The following KRTCAP2 variants were observed in gnomAD, a reference collection of about 807,000 sequenced individuals.
KRTCAP2 encodes keratinocyte associated protein 2, also known as dolichyl-diphosphooligosaccharide--protein glycosyltransferase subunit KCP2.
A neutral mutation model predicts 16.5 loss-of-function variants in KRTCAP2; 10 were observed. The observed-to-expected ratio is 0.60, with a 90% CI of 0.37 to 1.02. The LOEUF (loss-of-function observed/expected upper bound fraction) is 1.02, where lower values mean the gene tolerates loss of function less well. KRTCAP2 is among the 50% of genes least tolerant of loss of function. The pLI, the probability that KRTCAP2 is intolerant of heterozygous loss-of-function variation, is 0.01. For missense variants in KRTCAP2, 152 were observed against 159.6 expected (o/e 0.95, Z 0.26); for synonymous variants, 68 against 69.8 (o/e 0.97, Z 0.13).
At chr1:155,173,195 C>T in intron 1 of KRTCAP2, 26 bp downstream of exon 1, 1 of 1,605,862 alleles carries the variant, frequency 6.2e-7, no homozygotes, top group East Asian at 2.2e-5. Flanking sequence ...TCTAGGACTT[C>T]CTGGGGACCC....
At chr1:155,171,784 G>C (rs1557803923) in intron 3 of KRTCAP2, 1 of 729,876 alleles carries the variant, frequency 1.4e-6, no homozygotes, top group East Asian at 1.3e-4. Context: ...CTTGAGACCA[G>C]GTCAAGGCTT....
At chr1:155,171,818 A>G in intron 3 of KRTCAP2, 2 of 891,020 alleles carry the variant, frequency 2.2e-6, no homozygotes, top group Non-Finnish European at 2.7e-6. Context: ...CCTGCACTCC[A>G]GCCTAGGCGA....
intron 4 of KRTCAP2, 52 bp from the exon 5 acceptor site, chr1:155,169,612 G>T: frequency 6.3e-7 from 1 of 1,594,724 alleles, no homozygotes; most frequent in Non-Finnish European, 8.6e-7. Context: ...CTGCCAGCCT[G>T]GTGCCTCCTA....
chr1:155,173,199 G>A (rs1368240244), intron 1 of KRTCAP2, 22 bp downstream of exon 1: 1 of 1,607,728 alleles, frequency 6.2e-7, no homozygotes, highest in African/African-American at 1.3e-5. Context: ...GGACTTCCTG[G>A]GGACCCCACC....
In KRTCAP2 at chr1:155,172,897, A is replaced by G. The variant is rs1348772744; in HGVS notation, c.5-5T>C. ...GCGAGGTGCCCGTACCCACCACTGG[A>G]GGGGATGGGAGAAGGGACGGAGAGT... is the stretch of plus-strand genomic sequence containing the variant. On this transcript the variant is annotated splice_polypyrimidine_tract_variant and splice_region_variant and intron_variant, in intron 1 of 4. Transcript: ENST00000295682. 16 of 1,613,308 alleles carry G rather than the reference A, an allele frequency of 9.9e-6. No individual in the cohort carries two copies. Among genetic ancestry groups the G allele is most frequent in the Non-Finnish European group, 1.4e-5 (16 of 1,179,706 alleles).
At chr1:155,172,076 C>T in intron 3 of KRTCAP2, 1 of 992,742 alleles carries the variant, frequency 1.0e-6, no homozygotes, top group Non-Finnish European at 1.2e-6. Flanking sequence ...AGAATTATTC[C>T]AAACAGGAAA....
Position 155,172,896 on chromosome 1 carries a change from G to A in KRTCAP2, c.5-4C>T. On this transcript the variant is annotated splice_polypyrimidine_tract_variant and splice_region_variant and intron_variant, in intron 1 of 4. Transcript: ENST00000295682. ...AGCGAGGTGCCCGTACCCACCACTG[G>A]AGGGGATGGGAGAAGGGACGGAGAG... 1.2e-6 allele frequency: 2 copies of A among 1,613,652 alleles called. No homozygotes were observed. Among genetic ancestry groups the A allele is most frequent in the Non-Finnish European group, 1.7e-6 (2 of 1,179,834 alleles).
chr1:155,172,830 T>C lies in KRTCAP2; in HGVS notation c.67A>G (p.Met23Val). 6.2e-7 allele frequency: 1 copy of C among 1,614,090 alleles called. No homozygotes were observed. The highest frequency in any genetic ancestry group is 8.5e-7 in the Non-Finnish European group (1 of 1,180,014). ...SLLSLLLFAG[M>V]QMYSRQLAST... ...GCCAGCTGACGGCTGTACATCTGCA[T>C]CCCAGCAAAGAGCAGCAGGGACAGG... Residue 23 changes from methionine to valine, a missense_variant, in exon 2 of 5, where the codon ATG (methionine) becomes GTG (valine). Transcript: ENST00000295682.
intron 1 of KRTCAP2, 21 bp downstream of exon 1, chr1:155,173,200 G>A: frequency 6.2e-7 from 1 of 1,609,236 alleles, no homozygotes; most frequent in East Asian, 2.2e-5. Flanking sequence ...GACTTCCTGG[G>A]GACCCCACCG....
At chr1:155,171,896 A>T in intron 3 of KRTCAP2, 1 of 983,116 alleles carries the variant, frequency 1.0e-6, no homozygotes, top group South Asian at 4.7e-5. Context: ...CAACCATGAT[A>T]GATCTTTGTT....
At chr1:155,171,391 C>T in intron 3 of KRTCAP2, 1 of 917,144 alleles carries the variant, frequency 1.1e-6, no homozygotes, top group Non-Finnish European at 1.3e-6. Flanking sequence ...TGTACTCCAG[C>T]ATGGGTGACA....
rs1056762232 is a variant in KRTCAP2, at chr1:155,172,041, T to C, written c.223+524A>G. The C allele has an allele frequency of 3.0e-6, 3 of 990,714 alleles. No homozygotes were observed. In the African/African-American group the frequency reaches 5.2e-5, roughly 17 times the overall value. 61.4% of individuals were successfully genotyped at this position (990,714 alleles called of 1,614,324 possible). On this transcript the variant is annotated intron_variant, in intron 3 of 4. Coordinates refer to ENST00000295682, the MANE Select transcript of KRTCAP2 (RefSeq NM_173852.4). ...CTCCATAAATAACTGAATCATCAAT[T>C]CTTGATTACATGAGCAATTGAACAA...
Position 155,169,549 on chromosome 1 carries a change from G to A in KRTCAP2, c.302C>T (p.Ser101Phe), listed in dbSNP as rs1265827039. The part of the protein sequence containing the change: ...RVCVTTCFIF[S>F]MVGLYYINKI... ...GTTGATGTAGTACAGACCAACCATGGAGAAGATGAAGCTATATGGTGAAGA... is the reference window on the plus strand; with the variant it reads ...GTTGATGTAGTACAGACCAACCATGAAGAAGATGAAGCTATATGGTGAAGA... The change falls in exon 5 of 5, where the codon TCC becomes TTC. Residue 101 changes from serine to phenylalanine, a missense_variant. Coordinates refer to ENST00000295682, the MANE Select transcript of KRTCAP2 (RefSeq NM_173852.4). 1 of 1,614,056 alleles carries A rather than the reference G, an allele frequency of 6.2e-7. No individual in the cohort carries two copies. Among genetic ancestry groups the A allele is most frequent in the Non-Finnish European group, 8.5e-7 (1 of 1,179,974 alleles).
Position 155,172,908 on chromosome 1 carries a change from G to A in KRTCAP2, c.5-16C>T, listed in dbSNP as rs1665313762. On this transcript the variant is annotated splice_polypyrimidine_tract_variant and intron_variant, in intron 1 of 4. Transcript: ENST00000295682. ...GTACCCACCACTGGAGGGGATGGGAGAAGGGACGGAGAGTCAGGCTCCGCC... is the reference window on the plus strand; with the variant it reads ...GTACCCACCACTGGAGGGGATGGGAAAAGGGACGGAGAGTCAGGCTCCGCC... 6.2e-7 allele frequency: 1 copy of A among 1,612,944 alleles called. No homozygotes were observed. The highest frequency in any genetic ancestry group is 1.3e-5 in the African/African-American group (1 of 75,028).
intron 3 of KRTCAP2, chr1:155,172,139 G>A: frequency 9.9e-7 from 1 of 1,010,652 alleles, no homozygotes; most frequent in African/African-American, 1.7e-5. Context: ...ATAGATATTT[G>A]GTGCCTCTAG....
chr1:155,170,034 T>C (rs1422073331), intron 3 of KRTCAP2, 177 bp from the exon 4 acceptor site: 2 of 538,700 alleles, frequency 3.7e-6, no homozygotes, highest in East Asian at 6.6e-5. Flanking sequence ...AACATGGAGG[T>C]AGGAGGTTGA....
chr1:155,173,042 G>A (rs1665323223), intron 1 of KRTCAP2, 150 bp from the exon 2 acceptor site: 1 of 981,094 alleles, frequency 1.0e-6, no homozygotes, highest in Non-Finnish European at 1.5e-6. Flanking sequence ...CCCACACCGC[G>A]CGGCAACCCC....
chr1:155,171,850 A>G (rs1395626068), intron 3 of KRTCAP2: 1 of 576,564 alleles, frequency 1.7e-6, no homozygotes, highest in Non-Finnish European at 2.2e-6. Flanking sequence ...CTTGTCTCAA[A>G]AAAAAAAAAA....
Position 155,169,534 on chromosome 1 carries a change from T to C in KRTCAP2, c.317A>G (p.Tyr106Cys). 1 of 1,614,122 alleles carries C rather than the reference T, an allele frequency of 6.2e-7. No individual in the cohort carries two copies. The highest frequency in any genetic ancestry group is 8.5e-7 in the Non-Finnish European group (1 of 1,179,992). ...GGTGGAGGAGATCTTGTTGATGTAGTACAGACCAACCATGGAGAAGATGAA... is the reference window on the plus strand; with the variant it reads ...GGTGGAGGAGATCTTGTTGATGTAGCACAGACCAACCATGGAGAAGATGAA... ...TCFIFSMVGL[Y>C]YINKISSTLY... is the part of the protein sequence containing the mutation. Residue 106 changes from tyrosine (Y) to cysteine (C), a missense_variant, in exon 5 of 5, where the codon TAC becomes TGC. By Grantham distance (194) the Tyr-to-Cys change is radical (BLOSUM62 -2). Transcript: ENST00000295682.
Sources: allele counts gnomAD v4.1 joint callset, GRCh38; gene constraint gnomAD v4.1.1; transcripts MANE v1.5; gene names NCBI Gene and HGNC (gene_info 2026-07-23, HGNC 2026-07-21).